GRAMD4: variants seen among roughly 807,000 people sequenced by gnomAD.
GRAMD4 encodes GRAM domain containing 4, also known as GRAM domain-containing protein 4.
Under a neutral mutation model 83.9 loss-of-function variants are expected in GRAMD4, and 25 were observed. That is an observed-to-expected ratio of 0.30 (90% CI 0.22 to 0.42). GRAMD4 has a LOEUF of 0.42. GRAMD4 is among the 10% of genes least tolerant of loss of function. The pLI is 1.00. For missense variants in GRAMD4, 593 were observed against 788.7 expected (o/e 0.75, Z 2.97); for synonymous variants, 336 against 320.9 (o/e 1.05, Z -0.50).
chr22:46,580,123 A>G (rs1274090608), intron 1 of GRAMD4, among the ~76,000 whole-genome samples: 1 of 152,218 alleles, frequency 6.6e-6, no homozygotes, highest in East Asian at 1.9e-4. Context: ...GGTGTGTGGC[A>G]GAGCATCCCT....
At chr22:46,649,597 G>A (rs1016569659) in intron 3 of GRAMD4, among the ~76,000 whole-genome samples, 1 of 152,220 alleles carries the variant, frequency 6.6e-6, no homozygotes, top group African/African-American at 2.4e-5. Context: ...TACCTAAAAC[G>A]GTGGTTGGCC....
chr22:46,587,526 T>C (rs1300865032), intron 1 of GRAMD4, among the ~76,000 whole-genome samples: 1 of 151,506 alleles, frequency 6.6e-6, no homozygotes, highest in Non-Finnish European at 1.5e-5. Flanking sequence ...AGGGGGATAG[T>C]CAGGGTCTGA....
intron 14 of GRAMD4, 140 bp downstream of exon 14, chr22:46,673,137 T>G (rs2542029): frequency 0.12 from 78,861 of 654,808 alleles, 4,688 homozygotes; most frequent in Middle Eastern, 0.19. Flanking sequence ...AACTTGAGGG[T>G]TTTTTTTTTC....
At chr22:46,577,767 C>T (rs564680791) in intron 1 of GRAMD4, among the ~76,000 whole-genome samples, 7 of 152,228 alleles carry the variant, frequency 4.6e-5, no homozygotes, top group South Asian at 2.1e-4. Context: ...GGGCGCTTGT[C>T]CCCTCCGTGC....
At chr22:46,661,532 A>G (rs1030915256) in intron 5 of GRAMD4, 90 bp downstream of exon 5, 2 of 905,560 alleles carry the variant, frequency 2.2e-6, no homozygotes, top group Non-Finnish European at 3.6e-6. Flanking sequence ...TTAACAATGG[A>G]GCAGATACCC....
chr22:46,671,404 G>T (rs888036397), intron 13 of GRAMD4, among the ~76,000 whole-genome samples: 1 of 152,220 alleles, frequency 6.6e-6, no homozygotes, highest in Admixed American at 6.5e-5. Flanking sequence ...GTAGCCGCGT[G>T]TGGAGCTTGC....
At chr22:46,615,933 T>C (rs2081481801), upstream of GRAMD4, among the ~76,000 whole-genome samples, 1 of 129,670 alleles carries the variant, frequency 7.7e-6, no homozygotes, top group African/African-American at 3.0e-5. Context: ...GGTTCCCCTG[T>C]GCGTGTGGGT....
chr22:46,658,849 G>C (rs2082285236), intron 4 of GRAMD4, among the ~76,000 whole-genome samples: 1 of 140,674 alleles, frequency 7.1e-6, no homozygotes, highest in Admixed American at 7.3e-5. Flanking sequence ...CTGGGCGCCA[G>C]TGCCGCCCTG....
intron 1 of GRAMD4, among the ~76,000 whole-genome samples, chr22:46,584,831 G>GT (rs1242415100): frequency 6.6e-6 from 1 of 152,204 alleles, no homozygotes; most frequent in Non-Finnish European, 1.5e-5. Flanking sequence ...GCTTTGAGAC[G>GT]TGAAAGTGGG....
upstream of GRAMD4, among the ~76,000 whole-genome samples, chr22:46,616,788 G>A (rs2081504337): frequency 6.8e-6 from 1 of 146,376 alleles, no homozygotes; most frequent in Non-Finnish European, 1.5e-5. Context: ...AGGTTCCCCT[G>A]TGTGTAGGTT....
chr22:46,615,527 GTGTGTGTAGGTTCCCC>G (rs1338311530), upstream of GRAMD4, among the ~76,000 whole-genome samples: 5 of 141,992 alleles, frequency 3.5e-5, no homozygotes, highest in East Asian at 8.6e-4. Flanking sequence ...AGGTTCCCCT[GTGTGTGTAGGTTCCCC>G]TGTGTGTAGG....
chr22:46,618,479 G>C (rs1340106310), upstream of GRAMD4, among the ~76,000 whole-genome samples: 2 of 152,094 alleles, frequency 1.3e-5, no homozygotes, highest in Non-Finnish European at 2.9e-5. This position sits in a 1 kb window ranked among gnomAD's most constrained non-coding sequence, Gnocchi z 5.8. Context: ...GCGGTGGTCG[G>C]AGGGTTGCAA....
chr22:46,606,872 T>C (rs931669627), intron 1 of GRAMD4, among the ~76,000 whole-genome samples: 19 of 152,258 alleles, frequency 1.2e-4, no homozygotes, highest in Non-Finnish European at 2.6e-4. Flanking sequence ...TTCAGCTCTT[T>C]GGATTATACC....
intron 5 of GRAMD4, among the ~76,000 whole-genome samples, chr22:46,662,521 G>A (rs1047740917): frequency 2.0e-5 from 3 of 152,226 alleles, no homozygotes; most frequent in South Asian, 2.1e-4. Flanking sequence ...AACACCGTGC[G>A]CTCACCCTGG....
intron 1 of GRAMD4, among the ~76,000 whole-genome samples, chr22:46,598,637 C>T (rs2081284263): frequency 6.6e-6 from 1 of 151,790 alleles, no homozygotes; most frequent in Non-Finnish European, 1.5e-5. Flanking sequence ...ATATGGGGGT[C>T]TGCTTGGGGG....
At chr22:46,646,809 C>A (rs2082078812) in intron 3 of GRAMD4, among the ~76,000 whole-genome samples, 1 of 152,196 alleles carries the variant, frequency 6.6e-6, no homozygotes, top group African/African-American at 2.4e-5. Flanking sequence ...GCTTTACAAA[C>A]AAAAGCGGTT....
chr22:46,597,547 T>G (rs570209548), intron 1 of GRAMD4, among the ~76,000 whole-genome samples: 74 of 152,286 alleles, frequency 4.9e-4, no homozygotes, highest in African/African-American at 1.5e-3. Flanking sequence ...TGGAGTGCAG[T>G]GGCGCGATCC....
At chr22:46,579,942 G>A (rs894557668) in intron 1 of GRAMD4, among the ~76,000 whole-genome samples, 1 of 152,156 alleles carries the variant, frequency 6.6e-6, no homozygotes, top group African/African-American at 2.4e-5. Context: ...TGGTGTGGGC[G>A]TGTGCTGGCT....
At position 46,609,690 on chromosome 22, in the gene GRAMD4, G is replaced by A. The variant is rs6008932; in HGVS notation, c.-49-17061G>A. Reference sequence around the variant, plus strand: ...GAGGCCCACGCACACACTGGATTCCGCATTGTGGAGTGCGAGTGCTTTGGG... The same window carrying A: ...GAGGCCCACGCACACACTGGATTCCACATTGTGGAGTGCGAGTGCTTTGGG... On this transcript the variant is annotated intron_variant, in intron 1 of 1. Transcript: ENST00000431155. 2.1e-4 allele frequency among the ~76,000 whole-genome samples: 32 copies of A among 152,328 alleles called. 1 individual carries two copies. Among genetic ancestry groups the A allele is most frequent in the Non-Finnish European group, 5.9e-5 (4 of 68,024 alleles).
Sources: allele counts gnomAD v4.1 joint callset (sites outside exome capture counted in the v4.1 genomes callset), GRCh38; gene constraint gnomAD v4.1.1; non-coding constraint Gnocchi (gnomAD v3.1); transcripts MANE v1.5; gene names NCBI Gene and HGNC (gene_info 2026-07-23, HGNC 2026-07-21).